NGDN: variants seen among roughly 807,000 people sequenced by gnomAD.
NGDN encodes neuroguidin.
A neutral mutation model predicts 45.2 loss-of-function variants in NGDN; 41 were observed. The ratio of observed to expected loss-of-function variants is 0.91; its 90% CI spans 0.71 to 1.18. The LOEUF is 1.18. Among genes scored for constraint, NGDN ranks in the 50% most tolerant of loss-of-function variants. NGDN has a pLI of 0.00. For synonymous variants in NGDN, 137 were observed against 130.9 expected, an observed-to-expected ratio of 1.05 and a Z score of -0.32; for missense variants, 402 against 399.9, an observed-to-expected ratio of 1.01 and a Z score of -0.05.
chr14:23,477,924 C>T, intron 10 of NGDN, 83 bp from the exon 11 acceptor site: 1 of 1,613,304 alleles, frequency 6.2e-7, no homozygotes, highest in East Asian at 2.2e-5. Flanking sequence ...CCTGTGAGCC[C>T]TTCCCTCTAG....
At chr14:23,470,829 T>G (rs1893759426) in intron 2 of NGDN, 77 bp from the exon 3 acceptor site, 1 of 1,146,326 alleles carries the variant, frequency 8.7e-7, no homozygotes, top group African/African-American at 1.6e-5. Context: ...GGTGGCATTG[T>G]TTAGCTTTTG....
rs1566551643 is a variant in NGDN at position 23,476,345 on chromosome 14, A to G, written c.651A>G (p.Pro217=). 3 of 1,613,696 alleles carry G rather than the reference A, an allele frequency of 1.9e-6. No individual in the cohort carries two copies. Among genetic ancestry groups the G allele is most frequent in the Non-Finnish European group, 1.7e-6 (2 of 1,180,022 alleles). The change falls in exon 8 of 11, where the codon CCA becomes CCG. Residue 217 remains proline (P), a synonymous_variant. Coordinates refer to ENST00000408901, the MANE Select transcript of NGDN (RefSeq NM_001042635.2). ...TTAAGGAGCAGTACTCAGATGCTCC[A>G]GAGGAAATCCGTGATGCTCGGCATC... ...RELKEQYSDA[P]EEIRDARHPH...
At chr14:23,476,937 T>G (rs1028794030) in intron 8 of NGDN, among the ~76,000 whole-genome samples, 1 of 152,206 alleles carries the variant, frequency 6.6e-6, no homozygotes, top group African/African-American at 2.4e-5. Context: ...TAAAAAAATT[T>G]TGGTGTAATA....
intron 8 of NGDN, 76 bp downstream of exon 8, chr14:23,476,483 T>TC: frequency 8.0e-7 from 1 of 1,248,734 alleles, no homozygotes; most frequent in Non-Finnish European, 1.1e-6. Flanking sequence ...TGTGACTAAG[T>TC]TTGGTACCAA....
chr14:23,470,153 G>T, intron 2 of NGDN, 52 bp downstream of exon 2: 2 of 1,509,154 alleles, frequency 1.3e-6, no homozygotes, highest in Non-Finnish European at 1.8e-6. Flanking sequence ...CTTTGAGTTT[G>T]TGTACTTCAC....
Position 23,478,128 on chromosome 14 carries a change from G to T in NGDN, c.*102G>T. The T allele has an allele frequency of 8.3e-7, 1 of 1,210,432 alleles. No individual in the cohort carries two copies. Among genetic ancestry groups the T allele is most frequent in the Non-Finnish European group, 1.2e-6 (1 of 823,812 alleles). The allele number at this position is 1,210,432 out of a possible 1,614,324, so 75.0% of individuals were successfully genotyped here. A position where few individuals can be genotyped will look rare whatever the true frequency, so the allele number is the denominator to read the frequency against. The stretch of plus-strand genomic sequence containing the variant: ...TGGAATTCATTAATTGTTTGCTTTG[G>T]ACATGTGGAAAGAGCCTTACTAATA... On this transcript the variant is annotated 3_prime_UTR_variant, in exon 11 of 11. Transcript: ENST00000408901.
chr14:23,476,000 T>G, intron 6 of NGDN, 29 bp from the exon 7 acceptor site: 1 of 1,614,026 alleles, frequency 6.2e-7, no homozygotes, highest in African/African-American at 1.3e-5. Context: ...GAATGCTTCC[T>G]AAATTTGCAG....
In NGDN at chr14:23,475,208, T is replaced by C. The variant is rs1342190420; in HGVS notation, c.182T>C (p.Leu61Pro). 1.9e-6 allele frequency: 3 copies of C among 1,613,958 alleles called. No individual in the cohort carries two copies. Among genetic ancestry groups the C allele is most frequent in the Non-Finnish European group, 1.7e-6 (2 of 1,179,984 alleles). ...SFLEVKDQLLLMYLMDLTHLI... is the reference protein window; with the variant it reads ...SFLEVKDQLLPMYLMDLTHLI... ...TTGGAAGTGAAAGACCAGCTGCTGCTCATGTACCTTATGGATTTGACCCAC... is the reference window on the plus strand; with the variant it reads ...TTGGAAGTGAAAGACCAGCTGCTGCCCATGTACCTTATGGATTTGACCCAC... The change falls in exon 4 of 11, where the codon CTC becomes CCC. Residue 61 changes from leucine to proline, a missense_variant. Leu to Pro is a moderately conservative substitution (Grantham distance 98). Transcript: ENST00000408901.
rs1486526415 is a variant in NGDN, at chr14:23,475,240, C to G, written c.214C>G (p.Leu72Val). 4 of 1,613,952 alleles carry G rather than the reference C, an allele frequency of 2.5e-6. No individual in the cohort carries two copies. The highest frequency in any genetic ancestry group is 3.4e-6 in the Non-Finnish European group (4 of 1,179,930). The change falls in exon 4 of 11, where the codon CTG becomes GTG. Residue 72 changes from leucine (L) to valine (V), a missense_variant. By Grantham distance (32) the Leu-to-Val change is conservative. Coordinates refer to ENST00000408901, the MANE Select transcript of NGDN (RefSeq NM_001042635.2). ...MYLMDLTHLI[L>V]DKASGGSLQG... ...CCTTATGGATTTGACCCACCTCATT[C>G]TGGACAAAGCCTCAGGAGGATCTCT...
rs1219352711 is a variant in NGDN, at chr14:23,477,916, T to C, written c.929-91T>C. 2.5e-6 allele frequency: 4 copies of C among 1,612,674 alleles called. No homozygotes were observed. The African/African-American group carries it at 5.3e-5, about 22-fold the overall frequency. ...GGTACTGCCTAGGAGACCCCACCCCTGTGAGCCCTTCCCTCTAGATGTCCT... is the reference window on the plus strand; with the variant it reads ...GGTACTGCCTAGGAGACCCCACCCCCGTGAGCCCTTCCCTCTAGATGTCCT... On this transcript the variant is annotated intron_variant, in intron 10 of 10. Coordinates refer to ENST00000408901, the MANE Select transcript of NGDN (RefSeq NM_001042635.2).
intron 3 of NGDN, among the ~76,000 whole-genome samples, chr14:23,472,355 G>C (rs2138721476): frequency 6.6e-6 from 1 of 152,080 alleles, no homozygotes; most frequent in South Asian, 2.1e-4. Flanking sequence ...AATTAGCCGG[G>C]CATGGTGGCG....
At chr14:23,476,626 C>T (rs1448875980) in intron 8 of NGDN, among the ~76,000 whole-genome samples, 2 of 152,134 alleles carry the variant, frequency 1.3e-5, no homozygotes, top group South Asian at 4.1e-4. Context: ...AAAAGCAGTA[C>T]ATTGCAATTC....
At chr14:23,475,098 G>A (rs756763358) in intron 3 of NGDN, 73 bp from the exon 4 acceptor site, 79 of 1,479,898 alleles carry the variant, frequency 5.3e-5, no homozygotes, top group Non-Finnish European at 6.4e-5. Context: ...AAAACATCCC[G>A]TTTACCCTAG....
At chr14:23,474,240 T>A (rs1189183685) in intron 3 of NGDN, among the ~76,000 whole-genome samples, 1 of 152,186 alleles carries the variant, frequency 6.6e-6, no homozygotes, top group Non-Finnish European at 1.5e-5. Flanking sequence ...GGAGTCAGAT[T>A]GAGTTTGAAT....
rs1447865761 is a variant in NGDN at position 23,470,264 on chromosome 14, T to C, written c.72+163T>C. On this transcript the variant is annotated intron_variant, in intron 2 of 10. Transcript: ENST00000408901. The stretch of plus-strand genomic sequence containing the variant: ...CACGCCAGAATTCTAAGTAATTGAT[T>C]CTGCACCCAAGGGAATACAAGAAAC... 3 of 617,020 alleles carry C rather than the reference T, an allele frequency of 4.9e-6. No homozygotes were observed. The East Asian group carries it at 8.5e-5, about 17-fold the overall frequency. The allele number at this position is 617,020 out of a possible 1,614,324, so 38.2% of individuals were successfully genotyped here.
chr14:23,477,660 T>A, intron 10 of NGDN, 100 bp downstream of exon 10: 1 of 1,576,356 alleles, frequency 6.3e-7, no homozygotes, highest in South Asian at 1.2e-5. Context: ...AGCCCTGTAG[T>A]ATCTCTTCCA....
rs758562656 is a variant in NGDN at position 23,475,786 on chromosome 14, G to C, written c.420+8G>C. 2.5e-6 allele frequency: 4 copies of C among 1,611,548 alleles called. No individual in the cohort carries two copies. In the African/African-American group the frequency reaches 5.3e-5, roughly 22 times the overall value. ...AGCAATATGATGAGCAAGGTAAGGG[G>C]TTGTAGTATTCTCCTGATTTTTTTC... On this transcript the variant is annotated splice_region_variant and intron_variant, in intron 6 of 10. Transcript: ENST00000408901.
intron 3 of NGDN, among the ~76,000 whole-genome samples, chr14:23,472,618 C>T (rs1481795797): frequency 1.3e-5 from 2 of 152,184 alleles, no homozygotes; most frequent in Non-Finnish European, 2.9e-5. Context: ...TCTCTCATCC[C>T]TACTTAACTG....
At position 23,478,157 on chromosome 14, in the gene NGDN, T is replaced by C. The variant is rs570356805; in HGVS notation, c.*131T>C. 2.1e-5 allele frequency: 19 copies of C among 890,216 alleles called. No individual in the cohort carries two copies. The African/African-American group carries it at 2.7e-4, about 13-fold the overall frequency. 55.1% of individuals were successfully genotyped at this position (890,216 alleles called of 1,614,324 possible). A position where few individuals can be genotyped will look rare whatever the true frequency, so the allele number is the denominator to read the frequency against. ...TGTGGAAAGAGCCTTACTAATAAAA[T>C]TGATTTTGCTTATGAATTAAAGCCC... is the stretch of plus-strand genomic sequence containing the variant. On this transcript the variant is annotated 3_prime_UTR_variant, in exon 11 of 11. Transcript: ENST00000408901.
Sources: allele counts gnomAD v4.1 joint callset (sites outside exome capture counted in the v4.1 genomes callset), GRCh38; gene constraint gnomAD v4.1.1; transcripts MANE v1.5; gene names NCBI Gene and HGNC (gene_info 2026-07-23, HGNC 2026-07-21).